Variants in SYN2 observed in about 807,000 individuals in gnomAD.
SYN2 encodes the protein synapsin-2.
In SYN2, 19 loss-of-function variants were observed where a neutral mutation model predicts 50.9. The observed-to-expected ratio is 0.37, with a 90% CI of 0.26 to 0.55. The LOEUF (loss-of-function observed/expected upper bound fraction) is 0.55, where lower values mean the gene tolerates loss of function less well. Among genes scored for constraint, SYN2 ranks in the 20% least tolerant of loss-of-function variants. The pLI, the probability that SYN2 is intolerant of heterozygous loss-of-function variation, is 0.81. For synonymous variants in SYN2, 255 were observed against 224.9 expected, an observed-to-expected ratio of 1.13 and a Z score of -1.20; for missense variants, 587 against 576.4, an observed-to-expected ratio of 1.02 and a Z score of -0.19.
intron 1 of SYN2, among the ~76,000 whole-genome samples, chr3:12,060,897 T>G (rs1195674620): frequency 6.6e-6 from 1 of 152,062 alleles, no homozygotes; most frequent in Non-Finnish European, 1.5e-5. Context: ...AAACCAAGCA[T>G]CAGAACCAGC....
intron 1 of SYN2, among the ~76,000 whole-genome samples, chr3:12,045,321 G>A (rs1351603263): frequency 6.6e-6 from 1 of 152,158 alleles, no homozygotes; most frequent in East Asian, 1.9e-4. Flanking sequence ...GTAAAAAGGA[G>A]TAGATAAAAA....
intron 1 of SYN2, among the ~76,000 whole-genome samples, chr3:12,080,221 A>T (rs1243873804): frequency 6.7e-6 from 1 of 148,562 alleles, no homozygotes; most frequent in Non-Finnish European, 1.5e-5. Context: ...CTAGCAGTCT[A>T]TTTTATGAAT....
chr3:12,020,032 G>A (rs899642239), intron 1 of SYN2, among the ~76,000 whole-genome samples: 5 of 152,122 alleles, frequency 3.3e-5, no homozygotes, highest in Admixed American at 1.3e-4. Flanking sequence ...CAGATGTTGC[G>A]TAGGTTGGAT....
At chr3:12,053,763 A>T (rs1470689180) in intron 1 of SYN2, among the ~76,000 whole-genome samples, 1 of 152,182 alleles carries the variant, frequency 6.6e-6, no homozygotes, top group East Asian at 1.9e-4. Context: ...CTCAATTAAA[A>T]TTTTTGTATG....
intron 10 of SYN2, among the ~76,000 whole-genome samples, chr3:12,175,265 G>C (rs564164375): frequency 2.6e-5 from 4 of 152,210 alleles, no homozygotes; most frequent in Non-Finnish European, 5.9e-5. Flanking sequence ...TCACCATTTG[G>C]AAGAGGCATC....
intron 1 of SYN2, among the ~76,000 whole-genome samples, chr3:12,095,809 C>A (rs1282020599): frequency 6.6e-6 from 1 of 151,766 alleles, no homozygotes; most frequent in African/African-American, 2.4e-5. Context: ...AAATTATTTT[C>A]TTGGGTGATT....
At chr3:12,146,958 G>A (rs894117780) in intron 4 of SYN2, among the ~76,000 whole-genome samples, 3 of 152,198 alleles carry the variant, frequency 2.0e-5, no homozygotes, top group African/African-American at 7.2e-5. Flanking sequence ...TCTGTGACAA[G>A]CCATGGGTGG....
chr3:12,026,618 GAT>G (rs1694264072), intron 1 of SYN2, among the ~76,000 whole-genome samples: 1 of 152,148 alleles, frequency 6.6e-6, no homozygotes, highest in Non-Finnish European at 1.5e-5. Context: ...TGAGGCAGAA[GAT>G]ATGAAAAGAC....
At chr3:12,093,033 T>A (rs948685576) in intron 1 of SYN2, among the ~76,000 whole-genome samples, 3 of 152,222 alleles carry the variant, frequency 2.0e-5, no homozygotes, top group African/African-American at 7.2e-5. Flanking sequence ...GCCTTTGACC[T>A]TAAAGTTATT....
At chr3:12,099,750 G>T (rs1393668036) in intron 1 of SYN2, among the ~76,000 whole-genome samples, 2 of 151,994 alleles carry the variant, frequency 1.3e-5, no homozygotes, top group African/African-American at 4.8e-5. Flanking sequence ...GGATCACGAG[G>T]TCAGGAGATC....
intron 1 of SYN2, among the ~76,000 whole-genome samples, chr3:12,104,576 T>TC (rs1278900243): frequency 1.0e-4 from 13 of 128,644 alleles, no homozygotes; most frequent in Non-Finnish European, 2.0e-4. Flanking sequence ...TTTTCTTTTT[T>TC]TTTTTTTTTT....
intron 1 of SYN2, among the ~76,000 whole-genome samples, chr3:12,131,503 A>G (rs1696796285): frequency 2.6e-5 from 4 of 152,336 alleles, no homozygotes; most frequent in African/African-American, 9.6e-5. Context: ...TTGCTCCAAT[A>G]TCAAATCAGC....
chr3:12,118,730 T>C (rs557748058), intron 1 of SYN2, among the ~76,000 whole-genome samples: 9 of 152,238 alleles, frequency 5.9e-5, no homozygotes, highest in African/African-American at 2.2e-4. Flanking sequence ...CATCACCTTA[T>C]TTATTGGGCT....
chr3:12,115,781 C>T (rs753987561), intron 1 of SYN2, among the ~76,000 whole-genome samples: 2 of 152,032 alleles, frequency 1.3e-5, no homozygotes, highest in Non-Finnish European at 2.9e-5. Flanking sequence ...TATATTTTCC[C>T]CCAGCACTCA....
chr3:12,052,426 A>G (rs1379638887), intron 1 of SYN2, among the ~76,000 whole-genome samples: 2 of 152,208 alleles, frequency 1.3e-5, no homozygotes, highest in African/African-American at 2.4e-5. Flanking sequence ...AAGTTACATT[A>G]GAATTTAATC....
chr3:12,004,967 C>A (rs758468124), intron 1 of SYN2, 39 bp downstream of exon 1: 1 of 470,926 alleles, frequency 2.1e-6, no homozygotes, highest in Non-Finnish European at 3.7e-6. Flanking sequence ...GGTCGGGGTC[C>A]GCCGGCAGCC....
At chr3:12,105,879 A>G (rs1559422046) in intron 1 of SYN2, among the ~76,000 whole-genome samples, 1 of 151,736 alleles carries the variant, frequency 6.6e-6, no homozygotes, top group Non-Finnish European at 1.5e-5. Context: ...AACTCATACA[A>G]CTCCTAGAGT....
intron 12 of SYN2, among the ~76,000 whole-genome samples, chr3:12,189,589 A>G (rs1199582427): frequency 6.6e-6 from 1 of 152,138 alleles, no homozygotes; most frequent in East Asian, 1.9e-4. Context: ...CGGACGGATC[A>G]TGAGGTCAGG....
intron 1 of SYN2, among the ~76,000 whole-genome samples, chr3:12,028,066 T>A (rs2125139795): frequency 8.7e-6 from 1 of 115,296 alleles, no homozygotes; most frequent in African/African-American, 3.3e-5. Context: ...GATATTCCCC[T>A]TCCTGTGTCC....
Sources: allele counts gnomAD v4.1 joint callset (sites outside exome capture counted in the v4.1 genomes callset), GRCh38; gene constraint gnomAD v4.1.1; transcripts MANE v1.5; gene names NCBI Gene and HGNC (gene_info 2026-07-23, HGNC 2026-07-21).